The following CAMTA2 variants were observed in gnomAD, a reference collection of about 807,000 sequenced individuals.
CAMTA2 encodes the protein calmodulin-binding transcription activator 2.
CAMTA2 carries 56 observed loss-of-function variants against 135.7 expected under a neutral mutation model. The observed-to-expected ratio is 0.41, with a 90% CI of 0.33 to 0.52. CAMTA2 has a LOEUF of 0.52. Among genes scored for constraint, CAMTA2 ranks in the 20% least tolerant of loss-of-function variants. The pLI is 0.16. For synonymous variants in CAMTA2, 591 were observed against 604.6 expected, an observed-to-expected ratio of 0.98 and a Z score of 0.33; for missense variants, 1,358 against 1,553.4, an observed-to-expected ratio of 0.87 and a Z score of 2.11.
intron 12 of CAMTA2, 45 bp from the exon 13 acceptor site, chr17:4,973,814 C>T (rs1205064702): frequency 1.3e-6 from 2 of 1,527,782 alleles, no homozygotes; most frequent in East Asian, 2.3e-5. Context: ...TATCTACTCC[C>T]CTGGCTTGAG....
chr17:4,974,600 ACCATATTCTTTTATCTT>A, intron 11 of CAMTA2, 100 bp from the exon 12 acceptor site: 1 of 730,182 alleles, frequency 1.4e-6, no homozygotes. Flanking sequence ...AGGACACAGA[ACCATATTCTTTTATCTT>A]CCCCAAAACA....
chr17:4,973,540 C>A, intron 13 of CAMTA2, 45 bp downstream of exon 13: 6 of 1,560,302 alleles, frequency 3.8e-6, no homozygotes, highest in South Asian at 1.2e-5. Flanking sequence ...CCTGACACTT[C>A]TGTCCCAGAG....
chr17:4,973,666 C>A lies in CAMTA2; in HGVS notation c.2120G>T (p.Ser707Ile). ...WKGPERLAHG[S>I]PFRGMSLLHL... The stretch of plus-strand genomic sequence containing the variant: ...CAGAAGGCTCATGCCCCGGAAGGGG[C>A]TTCCATGGGCCAGACGTTCAGGACC... The change falls in exon 13 of 23, where the codon AGC becomes ATC. Residue 707 changes from serine (S) to isoleucine (I), a missense_variant. By Grantham distance (142) the Ser-to-Ile change is moderately radical. Transcript: ENST00000348066. 3 of 1,614,246 alleles carry A rather than the reference C, an allele frequency of 1.9e-6. No homozygotes were observed. Among genetic ancestry groups the A allele is most frequent in the Non-Finnish European group, 2.5e-6 (3 of 1,180,028 alleles).
chr17:4,979,598 C>A, intron 9 of CAMTA2, 86 bp downstream of exon 9: 1 of 918,374 alleles, frequency 1.1e-6, no homozygotes, highest in Non-Finnish European at 1.7e-6. Flanking sequence ...AGGTCACAGA[C>A]CACGGGGTAA....
intron 16 of CAMTA2, among the ~76,000 whole-genome samples, chr17:4,971,691 C>CT (rs748274165): frequency 0.67 from 88,210 of 131,724 alleles, 30,195 homozygotes; most frequent in Non-Finnish European, 0.73. Flanking sequence ...ACTATTTTGT[C>CT]TTTTTTTTTT....
intron 10 of CAMTA2, 22 bp downstream of exon 10, chr17:4,978,482 C>T: frequency 6.2e-7 from 1 of 1,612,414 alleles, no homozygotes; most frequent in Non-Finnish European, 8.5e-7. Flanking sequence ...GTCCCTCCCC[C>T]TACGGTTCCC....
In CAMTA2 at chr17:4,972,496, G is replaced by A. The variant is rs1972356675; in HGVS notation, c.2544C>T (p.Gly848=). Reference sequence around the variant, plus strand: ...AATAGGCTGACGTGACGGAAAAGGTGCCATCCGACAGCTCCGAGGGCGAGG... The same window carrying A: ...AATAGGCTGACGTGACGGAAAAGGTACCATCCGACAGCTCCGAGGGCGAGG... ...SVSSPSELSD[G]TFSVTSAYSS... The change falls in exon 16 of 23, where the codon GGC becomes GGT. Residue 848 remains glycine (G), a synonymous_variant. Transcript: ENST00000348066. The A allele has an allele frequency of 1.9e-6, 3 of 1,611,332 alleles. No homozygotes were observed. Among genetic ancestry groups the A allele is most frequent in the Non-Finnish European group, 2.5e-6 (3 of 1,178,966 alleles).
In CAMTA2 at chr17:4,982,815, C is replaced by T; in HGVS notation, c.281G>A (p.Arg94Gln). The T allele has an allele frequency of 6.2e-7, 1 of 1,614,088 alleles. No homozygotes were observed. Among genetic ancestry groups the T allele is most frequent in the Non-Finnish European group, 8.5e-7 (1 of 1,180,006 alleles). ...YRKDGYLWKK[R>Q]KDGKTTREDH... ...CTCTCGGGTGGTCTTCCCATCCTTC[C>T]GCTTCTTCCAGAGGTAACCATCCTT... Residue 94 changes from arginine to glutamine, a missense_variant, in exon 5 of 23, where the codon CGG becomes CAG. By Grantham distance (43) the Arg-to-Gln change is conservative (BLOSUM62 1). Transcript: ENST00000348066.
At chr17:4,986,447 A>C in intron 1 of CAMTA2, 161 bp from the exon 2 acceptor site, 1 of 586,858 alleles carries the variant, frequency 1.7e-6, no homozygotes. Context: ...AGAGAGAACA[A>C]CACACAGTGC....
At position 4,972,370 on chromosome 17, in the gene CAMTA2, T is replaced by C; in HGVS notation, c.2670A>G (p.Glu890=). The change falls in exon 16 of 23, where the codon GAA becomes GAG. Residue 890 remains glutamate (E), a synonymous_variant. Coordinates refer to ENST00000348066, the MANE Select transcript of CAMTA2 (RefSeq NM_015099.4). Reference sequence around the variant, plus strand: ...CATAGTCCATGAGGAGTAGGGGGGCTTCTGGGACACCAGAGGAAAGCTGGC... The same window carrying C: ...CATAGTCCATGAGGAGTAGGGGGGCCTCTGGGACACCAGAGGAAAGCTGGC... ...APGQLSSGVP[E]APLLLMDYEA... is the part of the protein sequence containing the mutation. 1 of 1,613,940 alleles carries C rather than the reference T, an allele frequency of 6.2e-7. No homozygotes were observed. The highest frequency in any genetic ancestry group is 1.1e-5 in the South Asian group (1 of 91,082).
Position 4,969,265 on chromosome 17 carries a change from T to G in CAMTA2, c.3355A>C (p.Lys1119Gln). 10 of 1,614,036 alleles carry G rather than the reference T, an allele frequency of 6.2e-6. No homozygotes were observed. Among genetic ancestry groups the G allele is most frequent in the Non-Finnish European group, 8.5e-6 (10 of 1,180,018 alleles). ...QSKFRSYYEQ[K>Q]RFQQSRRAAV... The stretch of plus-strand genomic sequence containing the variant: ...GCTCGGCGGCTCTGCTGAAATCGCT[T>G]CTGTTCATAGTAGCTTCGGAACTTG... The change falls in exon 21 of 23, where the codon AAG (lysine) becomes CAG (glutamine). Residue 1119 changes from lysine to glutamine, a missense_variant. Lys to Gln is a moderately conservative substitution (Grantham distance 53, BLOSUM62 1). This residue lies in a region of CAMTA2 where 167 missense variants were observed against 207.0 expected (regional missense o/e 0.81). Coordinates refer to ENST00000348066, the MANE Select transcript of CAMTA2 (RefSeq NM_015099.4). The surrounding 1 kb of genome is among the most constrained non-coding windows in gnomAD (Gnocchi z 5.6).
In CAMTA2 at chr17:4,981,781, G is replaced by A. The variant is rs1432639656; in HGVS notation, c.462C>T (p.Asp154=). ...VHYLNVPALE[D]CGKGCSPIFC... ...AGATGGGGCTGCAGCCCTTTCCACAGTCCTCCAGGGCTGGGACGTTCAGGT... is the reference window on the plus strand; with the variant it reads ...AGATGGGGCTGCAGCCCTTTCCACAATCCTCCAGGGCTGGGACGTTCAGGT... Residue 154 remains aspartate, a synonymous_variant, in exon 7 of 23, where the codon GAC becomes GAT. Coordinates refer to ENST00000348066, the MANE Select transcript of CAMTA2 (RefSeq NM_015099.4). The A allele has an allele frequency of 6.2e-7, 1 of 1,613,434 alleles. No homozygotes were observed. The highest frequency in any genetic ancestry group is 8.5e-7 in the Non-Finnish European group (1 of 1,179,636).
At chr17:4,986,456 G>T in intron 1 of CAMTA2, 170 bp from the exon 2 acceptor site, 1 of 582,922 alleles carries the variant, frequency 1.7e-6, no homozygotes, top group South Asian at 2.1e-5. Context: ...AACACACAGT[G>T]CCCGGAGCCA....
chr17:4,987,074 CGTCG>C (rs763027542), intron 1 of CAMTA2: 14 of 1,395,904 alleles, frequency 1.0e-5, no homozygotes, highest in African/African-American at 1.5e-5. Flanking sequence ...GGAGGAGGCC[CGTCG>C]GGCTCGGCTA....
chr17:4,974,352 C>T, intron 12 of CAMTA2, 33 bp downstream of exon 12: 2 of 1,373,700 alleles, frequency 1.5e-6, no homozygotes, highest in African/African-American at 1.4e-5. Context: ...CCCTGCTCCC[C>T]ACCGTAGACC....
At chr17:4,986,597 A>G (rs1973328990) in intron 1 of CAMTA2, 1 of 502,574 alleles carries the variant, frequency 2.0e-6, no homozygotes, top group South Asian at 2.5e-5. Flanking sequence ...GACTGGGGCT[A>G]TGGTTGGGTC....
intron 1 of CAMTA2, chr17:4,987,158 G>T: frequency 7.4e-7 from 1 of 1,346,444 alleles, no homozygotes; most frequent in South Asian, 1.9e-5. Context: ...TGGCTAGGCA[G>T]CCTGCCAGGG....
intron 16 of CAMTA2, among the ~76,000 whole-genome samples, chr17:4,971,990 A>C (rs1387662574): frequency 6.6e-6 from 1 of 152,066 alleles, no homozygotes; most frequent in African/African-American, 2.4e-5. Flanking sequence ...AGCCCGGCCA[A>C]ATTTTTTTTT....
rs893892478 is a variant in CAMTA2 at position 4,973,503 on chromosome 17, C to A, written c.2201+82G>T. The A allele has an allele frequency of 5.0e-6, 7 of 1,409,264 alleles. No individual in the cohort carries two copies. The African/African-American group carries it at 9.9e-5, about 20-fold the overall frequency. The allele number at this position is 1,409,264 out of a possible 1,614,324, so 87.3% of individuals were successfully genotyped here. A position where few individuals can be genotyped will look rare whatever the true frequency, so the allele number is the denominator to read the frequency against. On this transcript the variant is annotated intron_variant, in intron 13 of 22. Coordinates refer to ENST00000348066, the MANE Select transcript of CAMTA2 (RefSeq NM_015099.4). ...ACCCCAACTCCCTCTTGGTAGGGCC[C>A]CAGGTCCTCCAATTCCTCTTCAGTC...
Sources: gnomAD v4.1 joint callset for allele counts (sites outside exome capture counted in the v4.1 genomes callset) on GRCh38, gnomAD v4.1.1 for gene constraint, gnomAD v4.1.1 regional missense constraint, Gnocchi (gnomAD v3.1) non-coding constraint, MANE v1.5 for transcripts, NCBI Gene and HGNC (gene_info 2026-07-23, HGNC 2026-07-21) for gene names.